Variants in GOLGA7 observed in about 807,000 individuals in gnomAD.
GOLGA7 encodes the protein golgin A7, also known as golgin subfamily A member 7.
Under a neutral mutation model 21.1 loss-of-function variants are expected in GOLGA7, and 10 were observed. The observed-to-expected ratio is 0.47, with a 90% CI of 0.29 to 0.80. The LOEUF (loss-of-function observed/expected upper bound fraction) is 0.80, where lower values mean the gene tolerates loss of function less well. GOLGA7 is among the 30% of genes least tolerant of loss of function. The probability of loss-of-function intolerance (pLI) is 0.08; values close to 1 mark genes in which losing one functional copy is unlikely to be tolerated. For synonymous variants in GOLGA7, 64 were observed against 62.6 expected, an observed-to-expected ratio of 1.02 and a Z score of -0.10; for missense variants, 114 against 166.8, an observed-to-expected ratio of 0.68 and a Z score of 1.74.
chr8:41,496,715 C>G (rs1361470679), intron 1 of GOLGA7, among the ~76,000 whole-genome samples: 1 of 151,308 alleles, frequency 6.6e-6, no homozygotes, highest in Non-Finnish European at 1.5e-5. Flanking sequence ...GATTACCTGC[C>G]CTTCCCAGAT....
chr8:41,500,056 A>AGCC, intron 2 of GOLGA7, among the ~76,000 whole-genome samples: 1 of 152,160 alleles, frequency 6.6e-6, no homozygotes, highest in Non-Finnish European at 1.5e-5. Context: ...GGCTCAGGGG[A>AGCC]TTTGTTTGCT....
chr8:41,492,433 G>A (rs879827549), intron 1 of GOLGA7, among the ~76,000 whole-genome samples: 1 of 148,754 alleles, frequency 6.7e-6, no homozygotes, highest in South Asian at 2.1e-4. Flanking sequence ...AGGCCGTGGC[G>A]GGTGCATCAC....
At chr8:41,491,907 G>C (rs1585592484) in intron 1 of GOLGA7, among the ~76,000 whole-genome samples, 1 of 152,268 alleles carries the variant, frequency 6.6e-6, no homozygotes. Flanking sequence ...GAGGTGATTA[G>C]GCATTCCTTG....
chr8:41,499,563 C>A (rs1019618544), intron 2 of GOLGA7, among the ~76,000 whole-genome samples: 1 of 152,192 alleles, frequency 6.6e-6, no homozygotes, highest in Non-Finnish European at 1.5e-5. Context: ...ACCACCCTGG[C>A]CAAACTCCAC....
chr8:41,493,450 T>C (rs781102311), intron 1 of GOLGA7, among the ~76,000 whole-genome samples: 1 of 152,262 alleles, frequency 6.6e-6, no homozygotes, highest in Non-Finnish European at 1.5e-5. Context: ...GGATAGGTTC[T>C]GTCTGTTAAC....
chr8:41,491,251 C>CA (rs1805876005), intron 1 of GOLGA7, among the ~76,000 whole-genome samples: 1 of 152,182 alleles, frequency 6.6e-6, no homozygotes, highest in African/African-American at 2.4e-5. Context: ...TGCACTCCCC[C>CA]AAATCCCCAC....
intron 4 of GOLGA7, among the ~76,000 whole-genome samples, chr8:41,508,371 T>C (rs1384202443): frequency 1.3e-5 from 2 of 152,242 alleles, no homozygotes; most frequent in Non-Finnish European, 2.9e-5. Flanking sequence ...GTCACCTGAA[T>C]TCCTGAAAGC....
chr8:41,507,815 T>G (rs1381684841), intron 4 of GOLGA7, among the ~76,000 whole-genome samples: 11 of 152,306 alleles, frequency 7.2e-5, no homozygotes. Flanking sequence ...AGTTACGTGG[T>G]CTTCCTACAG....
chr8:41,498,314 A>G (rs1456617636), intron 2 of GOLGA7, among the ~76,000 whole-genome samples: 1 of 152,070 alleles, frequency 6.6e-6, no homozygotes, highest in African/African-American at 2.4e-5. Context: ...TTTCTAAACT[A>G]TCTGCTGTTG....
At chr8:41,494,416 G>A (rs1408524930) in intron 1 of GOLGA7, among the ~76,000 whole-genome samples, 1 of 152,192 alleles carries the variant, frequency 6.6e-6, no homozygotes, top group Non-Finnish European at 1.5e-5. Context: ...GAATTGTATT[G>A]TAAAGAAATA....
At chr8:41,494,508 A>T (rs1199302513) in intron 1 of GOLGA7, among the ~76,000 whole-genome samples, 1 of 152,224 alleles carries the variant, frequency 6.6e-6, no homozygotes, top group Non-Finnish European at 1.5e-5. Flanking sequence ...TCGGTGGACA[A>T]ACTGAAGGCA....
chr8:41,507,536 GAGTGGGGA>G (rs1397819648), intron 4 of GOLGA7, among the ~76,000 whole-genome samples: 1 of 152,176 alleles, frequency 6.6e-6, no homozygotes, highest in Non-Finnish European at 1.5e-5. Flanking sequence ...TTTCAGAGGG[GAGTGGGGA>G]GATTCTGAAT....
intron 4 of GOLGA7, among the ~76,000 whole-genome samples, chr8:41,508,865 C>T (rs540053007): frequency 1.6e-4 from 25 of 152,204 alleles, no homozygotes; most frequent in African/African-American, 5.8e-4. Context: ...AAACTCTAAG[C>T]ATAATTTATT....
intron 1 of GOLGA7, among the ~76,000 whole-genome samples, chr8:41,492,196 C>T (rs1354242428): frequency 1.3e-5 from 2 of 152,152 alleles, no homozygotes. Context: ...CATTTAAATG[C>T]TGCAGTATGT....
chr8:41,498,351 C>A (rs1026711724), intron 2 of GOLGA7, among the ~76,000 whole-genome samples: 1 of 152,162 alleles, frequency 6.6e-6, no homozygotes, highest in African/African-American at 2.4e-5. Context: ...ATTTACTTCC[C>A]CTACTACTTC....
At chr8:41,501,752 C>T (rs1563418370) in intron 2 of GOLGA7, among the ~76,000 whole-genome samples, 1 of 152,200 alleles carries the variant, frequency 6.6e-6, no homozygotes, top group East Asian at 1.9e-4. Context: ...TTTGTGAACT[C>T]ACATATGATT....
chr8:41,497,144 C>G lies in GOLGA7; in HGVS notation c.112-365C>G, dbSNP rs1044740937. ...CATTTTTATGTTTACATTGCCTGTT[C>G]TGCTTGCATAATTAAACTCTTAAGG... On this transcript the variant is annotated intron_variant, in intron 1 of 4. Transcript: ENST00000357743. 2.6e-5 allele frequency among the ~76,000 whole-genome samples: 4 copies of G among 151,418 alleles called. No homozygotes were observed. In the Middle Eastern group the frequency reaches 0.01, roughly 386 times the overall value.
chr8:41,499,146 G>T (rs1009967085), intron 2 of GOLGA7, among the ~76,000 whole-genome samples: 4 of 152,144 alleles, frequency 2.6e-5, no homozygotes, highest in African/African-American at 9.7e-5. Flanking sequence ...CTCGCAGGGC[G>T]TGTGATGGGG....
At chr8:41,503,141 A>G (rs899731126) in intron 2 of GOLGA7, among the ~76,000 whole-genome samples, 6 of 152,190 alleles carry the variant, frequency 3.9e-5, no homozygotes, top group Non-Finnish European at 5.9e-5. Flanking sequence ...CTTATACAAA[A>G]AGGAAAACTA....
Sources: gnomAD v4.1 joint callset for allele counts (sites outside exome capture counted in the v4.1 genomes callset) on GRCh38, gnomAD v4.1.1 for gene constraint, MANE v1.5 for transcripts, NCBI Gene and HGNC (gene_info 2026-07-23, HGNC 2026-07-21) for gene names.